The following TBC1D19 variants were observed in gnomAD, a reference collection of about 807,000 sequenced individuals.
TBC1D19 encodes the protein TBC1 domain family, member 19.
A neutral mutation model predicts 89.0 loss-of-function variants in TBC1D19; 60 were observed. The observed-to-expected ratio is 0.67, with a 90% confidence interval of 0.55 to 0.84. The LOEUF is 0.84. Among genes scored for constraint, TBC1D19 ranks in the 40% least tolerant of loss-of-function variants. The pLI, the probability that TBC1D19 is intolerant of heterozygous loss-of-function variation, is 0.00. For missense variants in TBC1D19, 500 were observed against 610.8 expected (o/e 0.82, Z 1.91); for synonymous variants, 189 against 199.7 (o/e 0.95, Z 0.45).
chr4:26,712,202 A>G (rs899669377), intron 13 of TBC1D19, among the ~76,000 whole-genome samples: 1 of 151,880 alleles, frequency 6.6e-6, no homozygotes, highest in African/African-American at 2.4e-5. Flanking sequence ...TTATTGTTGT[A>G]TTTGTTGATT....
chr4:26,751,400 A>C (rs1378760494), intron 19 of TBC1D19, among the ~76,000 whole-genome samples: 1 of 152,240 alleles, frequency 6.6e-6, no homozygotes, highest in African/African-American at 2.4e-5. Flanking sequence ...AGTAGTAATC[A>C]TACTCTTTAA....
At chr4:26,751,530 T>A (rs747623258) in intron 19 of TBC1D19, among the ~76,000 whole-genome samples, 5 of 152,244 alleles carry the variant, frequency 3.3e-5, no homozygotes, top group Admixed American at 6.5e-5. Flanking sequence ...TCAGTGACTT[T>A]AAAGTATTCA....
chr4:26,831,319 G>A, the TBC1D19 span, among the ~76,000 whole-genome samples: 5 of 152,236 alleles, frequency 3.3e-5, no homozygotes, highest in East Asian at 1.9e-4. Flanking sequence ...TTAAAGCAGC[G>A]GTCATCAAAC....
chr4:26,579,323 G>A (rs912903503), upstream of TBC1D19, among the ~76,000 whole-genome samples: 1 of 152,174 alleles, frequency 6.6e-6, no homozygotes, highest in African/African-American at 2.4e-5. Context: ...CGAAACACCA[G>A]ATCATCTCTT....
At chr4:26,763,569 CTTGA>C in the TBC1D19 span, among the ~76,000 whole-genome samples, 1 of 152,202 alleles carries the variant, frequency 6.6e-6, no homozygotes, top group Non-Finnish European at 1.5e-5. Flanking sequence ...CTTAAATGTA[CTTGA>C]TTGATGGCGC....
intron 13 of TBC1D19, among the ~76,000 whole-genome samples, chr4:26,704,424 A>C (rs1715571738): frequency 6.6e-6 from 1 of 152,212 alleles, no homozygotes; most frequent in South Asian, 2.1e-4. Context: ...CGAATCTTCC[A>C]TCATATGCTT....
Position 26,617,975 on chromosome 4 carries a change from A to G in TBC1D19, c.219-2638A>G, listed in dbSNP as rs561291813. On this transcript the variant is annotated intron_variant, in intron 3 of 20. Coordinates refer to ENST00000264866, the MANE Select transcript of TBC1D19 (RefSeq NM_018317.4). ...TGTTAGATAATGGATACCTTACACT[A>G]GACCACAGATTTGGGTAAGTCTTCG... is the stretch of plus-strand genomic sequence containing the variant. Among the ~76,000 whole-genome samples the G allele has an allele frequency of 3.9e-5, 6 of 152,350 alleles. No homozygotes were observed. In the East Asian group the frequency reaches 1.2e-3, roughly 29 times the overall value.
At chr4:26,848,943 A>G in the TBC1D19 span, among the ~76,000 whole-genome samples, 3 of 152,320 alleles carry the variant, frequency 2.0e-5, no homozygotes, top group South Asian at 6.2e-4. Flanking sequence ...CTGTAATACC[A>G]GCACTTTGGG....
intron 11 of TBC1D19, among the ~76,000 whole-genome samples, chr4:26,674,189 G>T (rs982703176): frequency 3.3e-5 from 5 of 152,108 alleles, no homozygotes; most frequent in African/African-American, 9.7e-5. Context: ...CTGTGAAGAT[G>T]TGTGGTTGAA....
intron 1 of TBC1D19, among the ~76,000 whole-genome samples, chr4:26,593,074 C>T (rs1053977985): frequency 4.6e-5 from 7 of 152,212 alleles, no homozygotes; most frequent in African/African-American, 1.4e-4. Flanking sequence ...CATCACACTA[C>T]GTGACTTCAA....
intron 13 of TBC1D19, among the ~76,000 whole-genome samples, chr4:26,694,422 C>T (rs1015231279): frequency 7.2e-5 from 11 of 152,322 alleles, no homozygotes; most frequent in African/African-American, 2.6e-4. Context: ...GTGGAGCGCA[C>T]CTCAGCTCAA....
At chr4:26,804,326 A>G in the TBC1D19 span, among the ~76,000 whole-genome samples, 1 of 152,050 alleles carries the variant, frequency 6.6e-6, no homozygotes, top group Non-Finnish European at 1.5e-5. Flanking sequence ...TTGTGTTTTT[A>G]GTAGAGACGG....
the TBC1D19 span, among the ~76,000 whole-genome samples, chr4:26,802,096 A>G: frequency 3.9e-5 from 6 of 152,196 alleles, no homozygotes; most frequent in Admixed American, 1.3e-4. Flanking sequence ...AATCCATCCC[A>G]TAGGAACAAA....
At chr4:26,599,921 C>T (rs1740481278) in intron 1 of TBC1D19, among the ~76,000 whole-genome samples, 1 of 142,416 alleles carries the variant, frequency 7.0e-6, no homozygotes, top group Non-Finnish European at 1.5e-5. Flanking sequence ...GCACTCCATC[C>T]TGGGCGACAA....
chr4:26,789,013 T>G, the TBC1D19 span, among the ~76,000 whole-genome samples: 1 of 152,204 alleles, frequency 6.6e-6, no homozygotes, highest in African/African-American at 2.4e-5. Flanking sequence ...CTTTTTTCAT[T>G]TATGTGGATG....
At chr4:26,585,513 G>A (rs151040283) in intron 1 of TBC1D19, among the ~76,000 whole-genome samples, 2 of 151,594 alleles carry the variant, frequency 1.3e-5, no homozygotes, top group African/African-American at 4.8e-5. Context: ...TTGTTGAGTT[G>A]TAAGGATTCT....
At chr4:26,830,192 G>A in the TBC1D19 span, among the ~76,000 whole-genome samples, 1 of 152,196 alleles carries the variant, frequency 6.6e-6, no homozygotes, top group Non-Finnish European at 1.5e-5. Flanking sequence ...ACTGGCACTT[G>A]CAAATTACCC....
At chr4:26,692,942 C>T (rs769291238) in intron 13 of TBC1D19, among the ~76,000 whole-genome samples, 1 of 152,020 alleles carries the variant, frequency 6.6e-6, no homozygotes. Context: ...AAGCTTAACA[C>T]AGAGATCAGG....
At chr4:26,718,230 A>G (rs1035639721) in intron 14 of TBC1D19, among the ~76,000 whole-genome samples, 17 of 152,116 alleles carry the variant, frequency 1.1e-4, no homozygotes, top group African/African-American at 4.1e-4. Context: ...CAGCATTTCA[A>G]GTTACTTTCT....
Sources: gnomAD v4.1 joint callset for allele counts (sites outside exome capture counted in the v4.1 genomes callset) on GRCh38, gnomAD v4.1.1 for gene constraint, MANE v1.5 for transcripts, NCBI Gene and HGNC (gene_info 2026-07-23, HGNC 2026-07-21) for gene names.